Variants in COL5A2 observed in about 807,000 individuals in gnomAD.
COL5A2 encodes the protein collagen type V alpha 2 chain.
COL5A2 carries 23 observed loss-of-function variants against 208.2 expected under a neutral mutation model. That is an observed-to-expected ratio of 0.11 (90% CI 0.08 to 0.16). The LOEUF (loss-of-function observed/expected upper bound fraction) is 0.16. COL5A2 is among the 10% of genes least tolerant of loss of function. COL5A2 has a pLI of 1.00. For missense variants in COL5A2, 1,590 were observed against 1,956.4 expected (o/e 0.81, Z 3.53); for synonymous variants, 625 against 628.5 (o/e 0.99, Z 0.08).
the COL5A2 span, chr2:189,311,409 G>A: frequency 3.6e-5 from 39 of 1,096,096 alleles, no homozygotes; most frequent in South Asian, 5.1e-5. Context: ...TCCAGCAGGC[G>A]GCGGTAGGTG....
At position 189,031,941 on chromosome 2, in the gene COL5A2, T is replaced by G. The variant is rs547361693; in HGVS notation, c.*2129A>C. ...ATTGGTAGCATTCCCAAAATCCAAA[T>G]AAGAACTGTTATTTCTATAGTTGGA... On this transcript the variant is annotated 3_prime_UTR_variant, in exon 54 of 54. Transcript: ENST00000374866. 2 of 152,102 alleles carry G rather than the reference T, an allele frequency of 1.3e-5. No homozygotes were observed. Among genetic ancestry groups the G allele is most frequent in the African/African-American group, 4.8e-5 (2 of 41,438 alleles). The allele number at this position is 152,102 out of a possible 1,614,324, so 9.4% of individuals were successfully genotyped here. A position where few individuals can be genotyped will look rare whatever the true frequency, so the allele number is the denominator to read the frequency against.
intron 17 of COL5A2, among the ~76,000 whole-genome samples, chr2:189,074,285 T>TA (rs1162501250): frequency 2.0e-5 from 3 of 152,080 alleles, no homozygotes; most frequent in Non-Finnish European, 4.4e-5. Context: ...TAAGTAAGTA[T>TA]AGCCCTTTAT....
chr2:189,304,197 T>C, the COL5A2 span, among the ~76,000 whole-genome samples: 1 of 152,316 alleles, frequency 6.6e-6, no homozygotes, highest in Admixed American at 6.5e-5. Context: ...ATACAATCAG[T>C]TGTCTTGGAT....
the COL5A2 span, among the ~76,000 whole-genome samples, chr2:189,358,608 A>G: frequency 4.6e-5 from 7 of 152,166 alleles, no homozygotes; most frequent in African/African-American, 1.4e-4. Context: ...ACTTCTGTGA[A>G]GAACATCTTA....
chr2:189,230,667 G>GT, the COL5A2 span, among the ~76,000 whole-genome samples: 2 of 151,824 alleles, frequency 1.3e-5, no homozygotes, highest in Admixed American at 1.3e-4. Flanking sequence ...TGACCATTAT[G>GT]TTTTTTAAAA....
Position 189,034,186 on chromosome 2 carries a change from A to G in COL5A2, c.4384T>C (p.Phe1462Leu). The change falls in exon 54 of 54, where the codon TTT becomes CTT. Residue 1462 changes from phenylalanine to leucine, a missense_variant. Physicochemically the swap from Phe to Leu is conservative, Grantham distance 22. Transcript: ENST00000374866. ...KRNGNVGKTV[F>L]EYRTQNVARL... is the part of the protein sequence containing the mutation. ...GCCACATTCTGTGTTCTATATTCAAAGACAGTCTTGCCCACATTTCCATTC... is the reference window on the plus strand; with the variant it reads ...GCCACATTCTGTGTTCTATATTCAAGGACAGTCTTGCCCACATTTCCATTC... 2 of 1,614,002 alleles carry G rather than the reference A, an allele frequency of 1.2e-6. No homozygotes were observed. Among genetic ancestry groups the G allele is most frequent in the Non-Finnish European group, 1.7e-6 (2 of 1,179,916 alleles).
the COL5A2 span, among the ~76,000 whole-genome samples, chr2:189,420,468 C>T: frequency 5.1e-4 from 78 of 152,090 alleles, no homozygotes; most frequent in Non-Finnish European, 1.0e-3. Context: ...TCTCCATATT[C>T]ACAATCATTT....
At chr2:189,404,893 T>G in the COL5A2 span, among the ~76,000 whole-genome samples, 7 of 152,190 alleles carry the variant, frequency 4.6e-5, no homozygotes, top group African/African-American at 1.7e-4. Context: ...TACGATGTGT[T>G]TATCCACTCT....
At position 189,051,671 on chromosome 2, in the gene COL5A2, C is replaced by T. The variant is rs117025177; in HGVS notation, c.2770-190G>A. On this transcript the variant is annotated intron_variant, in intron 41 of 53. Transcript: ENST00000374866. ...AGAAAACACAGCTGTAGATTCATTC[C>T]CCAGGGGGAAAACTAAATATCATTT... Among the ~76,000 whole-genome samples, 2,325 of 152,174 alleles carry T rather than the reference C, an allele frequency of 0.015. 49 individuals carry two copies. Among genetic ancestry groups the T allele is most frequent in the South Asian group, 0.086 (413 of 4,820 alleles).
Position 189,083,979 on chromosome 2 carries a change from C to A in COL5A2, c.852+5G>T. The stretch of plus-strand genomic sequence containing the variant: ...AGTTTGCCTTTATGTTGAGTATAAA[C>A]TTACCGGAGATCCTGCAAATCCCAC... On this transcript the variant is annotated splice_donor_5th_base_variant and intron_variant, in intron 12 of 53. Coordinates refer to ENST00000374866, the MANE Select transcript of COL5A2 (RefSeq NM_000393.5). 6.2e-7 allele frequency: 1 copy of A among 1,609,016 alleles called. No individual in the cohort carries two copies. The highest frequency in any genetic ancestry group is 1.1e-5 in the South Asian group (1 of 90,972).
At chr2:189,221,772 A>T (rs1689350113) in intron 1 of COL5A2, among the ~76,000 whole-genome samples, 1 of 152,146 alleles carries the variant, frequency 6.6e-6, no homozygotes, top group African/African-American at 2.4e-5. Context: ...CATATTTTTC[A>T]TATACTTCTG....
chr2:189,325,005 A>C, the COL5A2 span, among the ~76,000 whole-genome samples: 1 of 152,192 alleles, frequency 6.6e-6, no homozygotes, highest in African/African-American at 2.4e-5. Context: ...TGATGAGTTC[A>C]TGTCCTTTGT....
At chr2:189,337,189 T>A in the COL5A2 span, among the ~76,000 whole-genome samples, 2 of 144,328 alleles carry the variant, frequency 1.4e-5, no homozygotes, top group African/African-American at 2.7e-5. Flanking sequence ...TTTTTTTTCT[T>A]TTTTTTTTTT....
intron 50 of COL5A2, among the ~76,000 whole-genome samples, chr2:189,041,058 T>G (rs1283659116): frequency 3.9e-5 from 6 of 152,198 alleles, no homozygotes; most frequent in Non-Finnish European, 2.9e-5. Context: ...GGAAGATGTA[T>G]GAAGATGTTT....
Position 189,035,182 on chromosome 2 carries a change from A to T in COL5A2, c.4114-27T>A, listed in dbSNP as rs1036544302. On this transcript the variant is annotated intron_variant, in intron 52 of 53. Transcript: ENST00000374866. ...TAGAAAAACAAAGAGTCTTTGTCAT[A>T]CACAAGACTGAAGGGTTTCATAATG... The T allele has an allele frequency of 1.9e-6, 3 of 1,613,424 alleles. No individual in the cohort carries two copies. The African/African-American group carries it at 4.0e-5, about 22-fold the overall frequency.
intron 1 of COL5A2, among the ~76,000 whole-genome samples, chr2:189,119,276 GA>G (rs1308591046): frequency 3.3e-5 from 5 of 152,086 alleles, no homozygotes; most frequent in Admixed American, 2.0e-4. Flanking sequence ...GAAGGAGGGA[GA>G]GGGGTAGAGG....
the COL5A2 span, among the ~76,000 whole-genome samples, chr2:189,396,375 A>G: frequency 2.0e-5 from 3 of 152,306 alleles, no homozygotes; most frequent in African/African-American, 7.2e-5. Flanking sequence ...TCATAGAAGT[A>G]TAGTTAAGAA....
chr2:189,145,213 A>G (rs751133339), intron 1 of COL5A2, among the ~76,000 whole-genome samples: 2 of 152,176 alleles, frequency 1.3e-5, no homozygotes, highest in African/African-American at 2.4e-5. Context: ...GGTTAGAAAC[A>G]TGACATGGGA....
At chr2:189,391,731 T>G in the COL5A2 span, among the ~76,000 whole-genome samples, 1 of 152,172 alleles carries the variant, frequency 6.6e-6, no homozygotes, top group African/African-American at 2.4e-5. Context: ...TGTCTTTTAC[T>G]TATTTCTGAA....
Sources: allele counts gnomAD v4.1 joint callset (sites outside exome capture counted in the v4.1 genomes callset), GRCh38; gene constraint gnomAD v4.1.1; transcripts MANE v1.5; gene names NCBI Gene and HGNC (gene_info 2026-07-23, HGNC 2026-07-21).